MDGA2: variants seen among roughly 807,000 people sequenced by gnomAD.
MDGA2 encodes the protein MAM domain containing glycosylphosphatidylinositol anchor 2.
In MDGA2, 40 loss-of-function variants were observed where a neutral mutation model predicts 117.8. That is an observed-to-expected ratio of 0.34 (90% CI 0.26 to 0.44). MDGA2 has a LOEUF of 0.44. MDGA2 is among the 20% of genes least tolerant of loss of function. The pLI, the probability that MDGA2 is intolerant of heterozygous loss-of-function variation, is 1.00. For missense variants in MDGA2, 1,123 were observed against 1,250.6 expected (o/e 0.90, Z 1.54); for synonymous variants, 452 against 439.0 (o/e 1.03, Z -0.37).
intron 1 of MDGA2, among the ~76,000 whole-genome samples, chr14:47,320,494 C>T (rs1344229366): frequency 6.6e-6 from 1 of 152,068 alleles, no homozygotes; most frequent in Non-Finnish European, 1.5e-5. Context: ...TGATAGCATC[C>T]GATACATCTA....
At chr14:47,267,962 C>A (rs1397442387) in intron 2 of MDGA2, among the ~76,000 whole-genome samples, 3 of 152,116 alleles carry the variant, frequency 2.0e-5, no homozygotes, top group Non-Finnish European at 4.4e-5. Flanking sequence ...GTTCTTTCTG[C>A]CCTTCCCTTG....
chr14:46,860,368 C>T (rs1367075076), intron 14 of MDGA2, among the ~76,000 whole-genome samples: 1 of 151,990 alleles, frequency 6.6e-6, no homozygotes, highest in East Asian at 1.9e-4. Context: ...TATATTAATG[C>T]ATTCCATAAT....
intron 1 of MDGA2, among the ~76,000 whole-genome samples, chr14:47,447,806 A>C (rs1332678672): frequency 2.0e-5 from 3 of 152,154 alleles, no homozygotes; most frequent in African/African-American, 7.2e-5. Flanking sequence ...GTCAAAGCGT[A>C]TTGTCTCTAA....
At chr14:46,962,796 C>A (rs559352756) in intron 8 of MDGA2, among the ~76,000 whole-genome samples, 50 of 151,892 alleles carry the variant, frequency 3.3e-4, no homozygotes, top group African/African-American at 1.1e-3. Flanking sequence ...TGAGTATAGA[C>A]AAAAATAAGT....
intron 1 of MDGA2, among the ~76,000 whole-genome samples, chr14:47,371,640 A>C (rs1166443699): frequency 6.6e-6 from 1 of 151,766 alleles, no homozygotes; most frequent in Non-Finnish European, 1.5e-5. Context: ...AAGAAGTATT[A>C]TATGAATTTT....
intron 1 of MDGA2, among the ~76,000 whole-genome samples, chr14:47,432,255 A>G (rs2138529290): frequency 6.6e-6 from 1 of 152,250 alleles, no homozygotes; most frequent in Non-Finnish European, 1.5e-5. Context: ...TTTAATGTCC[A>G]GAGTTAAAAG....
intron 1 of MDGA2, among the ~76,000 whole-genome samples, chr14:47,646,633 A>G (rs948786847): frequency 1.3e-5 from 2 of 152,240 alleles, no homozygotes; most frequent in African/African-American, 4.8e-5. Context: ...TGTGCAGCTG[A>G]GAATGCATAT....
chr14:47,577,973 G>GT (rs1444211356), intron 1 of MDGA2, among the ~76,000 whole-genome samples: 1 of 152,056 alleles, frequency 6.6e-6, no homozygotes, highest in Non-Finnish European at 1.5e-5. Flanking sequence ...ATGCACACTT[G>GT]TTTACTGGAG....
chr14:47,239,222 T>TA (rs11455841), intron 2 of MDGA2, among the ~76,000 whole-genome samples: 54,954 of 144,248 alleles, frequency 0.38, 11,184 homozygotes, highest in Admixed American at 0.53. Flanking sequence ...CAAAATTTAT[T>TA]AAAAAAAAAA....
At chr14:47,176,654 T>C (rs978885517) in intron 3 of MDGA2, among the ~76,000 whole-genome samples, 1 of 152,008 alleles carries the variant, frequency 6.6e-6, no homozygotes, top group South Asian at 2.1e-4. Flanking sequence ...ATTAATTCAA[T>C]ATGGATTAAA....
chr14:47,184,542 C>T (rs1439056159), intron 3 of MDGA2, among the ~76,000 whole-genome samples: 3 of 151,802 alleles, frequency 2.0e-5, no homozygotes, highest in Non-Finnish European at 2.9e-5. Flanking sequence ...TATTTCATCA[C>T]CTATAAGACT....
At chr14:47,105,371 C>T (rs527289453) in intron 5 of MDGA2, among the ~76,000 whole-genome samples, 2 of 151,664 alleles carry the variant, frequency 1.3e-5, no homozygotes, top group South Asian at 4.2e-4. Context: ...AGGGCAAGAA[C>T]CCCCCACCCC....
At chr14:47,208,376 C>T (rs1389215501) in intron 3 of MDGA2, among the ~76,000 whole-genome samples, 1 of 151,878 alleles carries the variant, frequency 6.6e-6, no homozygotes, top group Non-Finnish European at 1.5e-5. Flanking sequence ...AATAATTTAC[C>T]TTTCAAACTT....
At chr14:46,852,745 C>A (rs1219452292) in intron 15 of MDGA2, among the ~76,000 whole-genome samples, 1 of 151,884 alleles carries the variant, frequency 6.6e-6, no homozygotes, top group Non-Finnish European at 1.5e-5. Flanking sequence ...TTGCCTCCAT[C>A]ATGAAAAATA....
intron 1 of MDGA2, among the ~76,000 whole-genome samples, chr14:47,534,949 T>C (rs564223493): frequency 6.6e-6 from 1 of 152,318 alleles, no homozygotes; most frequent in South Asian, 2.1e-4. Context: ...GCTGCTCCTG[T>C]TGCAGCTGTT....
intron 1 of MDGA2, among the ~76,000 whole-genome samples, chr14:47,506,756 T>C (rs546466368): frequency 6.6e-6 from 1 of 152,316 alleles, no homozygotes; most frequent in East Asian, 1.9e-4. Flanking sequence ...AGCTCACGCC[T>C]GTAATCCCAG....
intron 9 of MDGA2, among the ~76,000 whole-genome samples, chr14:46,921,622 A>G (rs1884135113): frequency 1.3e-5 from 2 of 151,918 alleles, no homozygotes; most frequent in African/African-American, 4.8e-5. Context: ...CTGTCAAAAA[A>G]AAAAAAAGAA....
intron 2 of MDGA2, among the ~76,000 whole-genome samples, chr14:47,222,964 GAA>G (rs1169867923): frequency 6.6e-6 from 1 of 152,308 alleles, no homozygotes; most frequent in African/African-American, 2.4e-5. Context: ...AGACTGGGAA[GAA>G]AAAGAGTTTT....
At chr14:47,243,994 A>G (rs1233223415) in intron 2 of MDGA2, among the ~76,000 whole-genome samples, 1 of 151,896 alleles carries the variant, frequency 6.6e-6, no homozygotes, top group African/African-American at 2.4e-5. Context: ...TTTATGATCT[A>G]TAAATAATCT....
Sources: allele counts gnomAD v4.1 joint callset (sites outside exome capture counted in the v4.1 genomes callset), GRCh38; gene constraint gnomAD v4.1.1; transcripts MANE v1.5; gene names NCBI Gene and HGNC (gene_info 2026-07-23, HGNC 2026-07-21).